The following CPT1A variants were observed in gnomAD, a reference collection of about 807,000 sequenced individuals.
CPT1A encodes the protein carnitine palmitoyltransferase 1A.
CPT1A carries 64 observed loss-of-function variants against 100.8 expected under a neutral mutation model. The observed-to-expected ratio is 0.63, with a 90% CI of 0.52 to 0.78. The LOEUF is 0.78. CPT1A is among the 30% of genes least tolerant of loss of function. CPT1A has a pLI of 0.00. For missense variants in CPT1A, 802 were observed against 1,034.1 expected (o/e 0.78, Z 3.08); for synonymous variants, 363 against 396.0 (o/e 0.92, Z 0.99).
intron 14 of CPT1A, among the ~76,000 whole-genome samples, chr11:68,766,354 G>C (rs1854798804): frequency 6.6e-6 from 1 of 152,122 alleles, no homozygotes; most frequent in African/African-American, 2.4e-5. Flanking sequence ...GCAAGGTTCT[G>C]GATTTATGTA....
intron 9 of CPT1A, chr11:68,786,033 C>T (rs535171730): frequency 1.0e-4 from 72 of 702,262 alleles, no homozygotes; most frequent in African/African-American, 9.6e-4. Flanking sequence ...CAAGGCAGAT[C>T]GTCTAGTGAG....
intron 12 of CPT1A, 123 bp from the exon 13 acceptor site, chr11:68,775,555 G>C (rs780799267): frequency 4.0e-6 from 3 of 758,884 alleles, no homozygotes; most frequent in Non-Finnish European, 4.6e-6. Flanking sequence ...AGCTGTTAAG[G>C]CTTCCAGTAT....
chr11:68,762,487 G>A, intron 15 of CPT1A, 140 bp downstream of exon 15: 1 of 1,050,880 alleles, frequency 9.5e-7, no homozygotes, highest in Non-Finnish European at 1.4e-6. Flanking sequence ...GAAAGGGGCA[G>A]AGGAAAGAAG....
chr11:68,781,572 A>C (rs1454883524), intron 11 of CPT1A, among the ~76,000 whole-genome samples, 199 bp downstream of exon 11: 3 of 152,222 alleles, frequency 2.0e-5, no homozygotes, highest in Non-Finnish European at 4.4e-5. Flanking sequence ...GTGAGCCGAG[A>C]TCAAGCCACT....
chr11:68,779,588 G>A (rs1855244870), intron 12 of CPT1A, among the ~76,000 whole-genome samples: 1 of 151,010 alleles, frequency 6.6e-6, no homozygotes, highest in Admixed American at 6.6e-5. Flanking sequence ...CTGTGCCCAG[G>A]AGTTCAAGAC....
intron 12 of CPT1A, among the ~76,000 whole-genome samples, chr11:68,780,314 G>A (rs890886361): frequency 1.3e-5 from 2 of 152,092 alleles, no homozygotes; most frequent in Admixed American, 6.6e-5. Flanking sequence ...ACAGAGTCTC[G>A]CTCTGTCGCC....
chr11:68,819,706 A>T (rs1329096215), intron 1 of CPT1A, among the ~76,000 whole-genome samples: 1 of 152,228 alleles, frequency 6.6e-6, no homozygotes, highest in Non-Finnish European at 1.5e-5. Flanking sequence ...TCGCAGAGCG[A>T]TCTGAGTTTA....
intron 14 of CPT1A, among the ~76,000 whole-genome samples, chr11:68,770,838 C>T (rs1436375834): frequency 1.3e-5 from 2 of 152,210 alleles, no homozygotes; most frequent in African/African-American, 4.8e-5. Context: ...CCTTTTTCTG[C>T]GTTTAGCTGC....
In CPT1A at chr11:68,760,240, T is replaced by G; in HGVS notation, c.2127A>C (p.Gly709=). 1 of 1,610,168 alleles carries G rather than the reference T, an allele frequency of 6.2e-7. No homozygotes were observed. Among genetic ancestry groups the G allele is most frequent in the South Asian group, 1.1e-5 (1 of 90,384 alleles). The part of the protein sequence containing the change: ...LENNPEYVSS[G]GGFGPVADDG... ...CCGCACTCACCGGTCCAAAGCCCCC[T>G]CCGCTGGACACGTACTCTGGGTTAT... is the stretch of plus-strand genomic sequence containing the variant. The change falls in exon 17 of 19, where the codon GGA becomes GGC. Residue 709 remains glycine (G), a synonymous_variant. Transcript: ENST00000265641.
At chr11:68,836,402 A>G (rs1454329393) in intron 1 of CPT1A, among the ~76,000 whole-genome samples, 2 of 152,138 alleles carry the variant, frequency 1.3e-5, no homozygotes, top group African/African-American at 4.8e-5. Context: ...CCTTGAGCCC[A>G]AATGGGAGAT....
At chr11:68,781,595 G>A (rs1472579463) in intron 11 of CPT1A, among the ~76,000 whole-genome samples, 176 bp downstream of exon 11, 1 of 152,184 alleles carries the variant, frequency 6.6e-6, no homozygotes, top group Non-Finnish European at 1.5e-5. Context: ...ACTCCAGCCT[G>A]GGTGACAGAG....
At chr11:68,769,152 C>T (rs577205498) in intron 14 of CPT1A, among the ~76,000 whole-genome samples, 1 of 152,306 alleles carries the variant, frequency 6.6e-6, no homozygotes, top group East Asian at 1.9e-4. Context: ...ACCAGCTCCC[C>T]GTCCCCTACT....
At chr11:68,804,621 C>T (rs1423012114) in intron 4 of CPT1A, among the ~76,000 whole-genome samples, 1 of 152,190 alleles carries the variant, frequency 6.6e-6, no homozygotes, top group Non-Finnish European at 1.5e-5. Context: ...AACCAAAAAA[C>T]CAGGTAGAAT....
intron 4 of CPT1A, 64 bp from the exon 5 acceptor site, chr11:68,804,165 C>G: frequency 7.8e-7 from 1 of 1,283,510 alleles, no homozygotes; most frequent in Non-Finnish European, 1.1e-6. Flanking sequence ...CTGTTCTCGT[C>G]TGATCTCGTG....
At chr11:68,825,879 G>A (rs778268766) in intron 1 of CPT1A, among the ~76,000 whole-genome samples, 1 of 152,170 alleles carries the variant, frequency 6.6e-6, no homozygotes, top group African/African-American at 2.4e-5. Context: ...AAACAAAGCC[G>A]GGGGACTGCA....
At chr11:68,787,432 A>G (rs914118756) in intron 9 of CPT1A, among the ~76,000 whole-genome samples, 1 of 111,284 alleles carries the variant, frequency 9.0e-6, no homozygotes, top group Non-Finnish European at 2.0e-5. Context: ...ACTCTGTCTC[A>G]AAAAAAAAAA....
In CPT1A at chr11:68,773,309, G is replaced by C; in HGVS notation, c.1696C>G (p.Pro566Ala). ...AGGGCCAGCTGCACAAAGGCGTCTG[G>C]GCTCGTGCGACATTTCTTGATGATT... ...KGIIKKCRTS[P>A]DAFVQLALQL... Residue 566 changes from proline (P) to alanine (A), a missense_variant, in exon 14 of 19, where the codon CCA (proline) becomes GCA (alanine). This residue lies in a region of CPT1A where 627 missense variants were observed against 799.3 expected (regional missense o/e 0.78). Transcript: ENST00000265641. 1.2e-6 allele frequency: 2 copies of C among 1,614,136 alleles called. No homozygotes were observed. The highest frequency in any genetic ancestry group is 1.7e-6 in the Non-Finnish European group (2 of 1,180,030).
chr11:68,776,635 T>C (rs1040714184), intron 12 of CPT1A, among the ~76,000 whole-genome samples: 2 of 152,110 alleles, frequency 1.3e-5, no homozygotes, highest in African/African-American at 2.4e-5. Flanking sequence ...TCCTAGCACT[T>C]TGGGAGGCCA....
intron 4 of CPT1A, among the ~76,000 whole-genome samples, chr11:68,804,324 T>C (rs889154732): frequency 6.6e-6 from 1 of 152,208 alleles, no homozygotes. Context: ...ATTTTTCATC[T>C]GGTCCATCTT....
Sources: allele counts gnomAD v4.1 joint callset (sites outside exome capture counted in the v4.1 genomes callset), GRCh38; gene constraint gnomAD v4.1.1; regional missense constraint gnomAD v4.1.1; transcripts MANE v1.5; gene names NCBI Gene and HGNC (gene_info 2026-07-23, HGNC 2026-07-21).